GKN2: variants seen among roughly 807,000 people sequenced by gnomAD.
The protein encoded by GKN2 is gastrokine 2.
In GKN2, 17 loss-of-function variants were observed where a neutral mutation model predicts 22.7. That is an observed-to-expected ratio of 0.75 (90% CI 0.51 to 1.13). GKN2 has a LOEUF of 1.13. GKN2 is among the 50% of genes most tolerant of loss of function. The probability of loss-of-function intolerance (pLI) is 0.00; values close to 1 mark genes in which losing one functional copy is unlikely to be tolerated. For synonymous variants in GKN2, 82 were observed against 79.6 expected, an observed-to-expected ratio of 1.03 and a Z score of -0.16; for missense variants, 248 against 221.4, an observed-to-expected ratio of 1.12 and a Z score of -0.76.
intron 2 of GKN2, 69 bp from the exon 3 acceptor site, chr2:68,950,332 A>C: frequency 1.4e-6 from 2 of 1,449,526 alleles, no homozygotes; most frequent in Non-Finnish European, 1.9e-6. Context: ...CTCTTCCAAC[A>C]AAATAAAGCA....
chr2:68,946,763 G>A (rs1275762807), intron 4 of GKN2, among the ~76,000 whole-genome samples: 2 of 152,112 alleles, frequency 1.3e-5, no homozygotes, highest in Non-Finnish European at 2.9e-5. Flanking sequence ...TGCACTGTTT[G>A]TATATGTTCA....
At chr2:68,952,109 A>G (rs1217875549) in intron 1 of GKN2, among the ~76,000 whole-genome samples, 1 of 152,336 alleles carries the variant, frequency 6.6e-6, no homozygotes, top group East Asian at 1.9e-4. Context: ...CCCACTGTCC[A>G]TGGGGCACTG....
chr2:68,952,431 G>C (rs1487536876), intron 1 of GKN2, among the ~76,000 whole-genome samples: 2 of 152,136 alleles, frequency 1.3e-5, no homozygotes, highest in Non-Finnish European at 2.9e-5. Flanking sequence ...GATATGCTTA[G>C]TCTAAGGCTT....
At chr2:68,947,530 T>TTTGAAAGA (rs1305949599) in intron 3 of GKN2, among the ~76,000 whole-genome samples, 1 of 152,212 alleles carries the variant, frequency 6.6e-6, no homozygotes, top group Non-Finnish European at 1.5e-5. Context: ...CAGTTTGAGG[T>TTTGAAAGA]TTGAAAGATT....
At chr2:68,946,768 T>C (rs1052871690) in intron 4 of GKN2, among the ~76,000 whole-genome samples, 1 of 152,166 alleles carries the variant, frequency 6.6e-6, no homozygotes, top group Non-Finnish European at 1.5e-5. Flanking sequence ...TGTTTGTATA[T>C]GTTCACTCAA....
Position 68,950,122 on chromosome 2 carries a change from T to C in GKN2, c.204+4A>G. The stretch of plus-strand genomic sequence containing the variant: ...ATGAATATGAAAATTCATTTGCTGC[T>C]TACATGTTTATAGTCAAAAATTGTG... On this transcript the variant is annotated splice_donor_region_variant and intron_variant, in intron 3 of 5. Transcript: ENST00000328895. 1.2e-6 allele frequency: 2 copies of C among 1,612,466 alleles called. No homozygotes were observed. The highest frequency in any genetic ancestry group is 1.7e-6 in the Non-Finnish European group (2 of 1,179,424).
chr2:68,950,879 C>T (rs1336019524), intron 1 of GKN2, 124 bp from the exon 2 acceptor site: 22 of 908,504 alleles, frequency 2.4e-5, no homozygotes, highest in Non-Finnish European at 3.8e-5. Flanking sequence ...CACTGAGTGG[C>T]CACAGATGGT....
chr2:68,945,995 A>T (rs1047854252), intron 5 of GKN2: 5 of 386,002 alleles, frequency 1.3e-5, no homozygotes, highest in Non-Finnish European at 2.3e-5. Flanking sequence ...GCTACTTGAA[A>T]TTCTTACATA....
chr2:68,945,422 C>T lies in GKN2; in HGVS notation c.501G>A (p.Lys167=), dbSNP rs368981064. Residue 167 remains lysine (K), a synonymous_variant, in exon 6 of 6, where the codon AAG becomes AAA. Coordinates refer to ENST00000328895, the MANE Select transcript of GKN2 (RefSeq NM_182536.3). ...THNVGAGGCA[K]AGLLGILGIS... Reference sequence around the variant, plus strand: ...TTCCCAAGATGCCCAGGAGCCCAGCCTTTGCACAGCCTCCAGCACCGACAT... The same window carrying T: ...TTCCCAAGATGCCCAGGAGCCCAGCTTTTGCACAGCCTCCAGCACCGACAT... 3.7e-6 allele frequency: 6 copies of T among 1,611,456 alleles called. No individual in the cohort carries two copies. In the African/African-American group the frequency reaches 8.0e-5, roughly 22 times the overall value.
chr2:68,947,949 G>C (rs78537759), intron 3 of GKN2, among the ~76,000 whole-genome samples: 4,726 of 152,026 alleles, frequency 0.031, 223 homozygotes, highest in African/African-American at 0.11. Flanking sequence ...ATATTTTTTA[G>C]AACTGTGCTG....
chr2:68,948,642 A>G (rs1297457665), intron 3 of GKN2, among the ~76,000 whole-genome samples: 2 of 152,194 alleles, frequency 1.3e-5, no homozygotes, highest in Non-Finnish European at 2.9e-5. Context: ...TGAAAGAGCA[A>G]TGGAGGGTGA....
intron 3 of GKN2, 130 bp from the exon 4 acceptor site, chr2:68,947,387 A>T (rs1228702354): frequency 1.6e-6 from 1 of 627,684 alleles, no homozygotes; most frequent in Non-Finnish European, 2.9e-6. Context: ...TTGCTCTCCA[A>T]TCTGCAATCA....
At chr2:68,952,057 CAG>C (rs1306784207) in intron 1 of GKN2, among the ~76,000 whole-genome samples, 1 of 152,182 alleles carries the variant, frequency 6.6e-6, no homozygotes, top group African/African-American at 2.4e-5. Context: ...GAATAAAGGA[CAG>C]AGACTAGGGG....
chr2:68,945,421 C>T lies in GKN2; in HGVS notation c.502G>A (p.Ala168Thr), dbSNP rs1442476281. ...ATTCCCAAGATGCCCAGGAGCCCAG[C>T]CTTTGCACAGCCTCCAGCACCGACA... ...HNVGAGGCAK[A>T]GLLGILGISI... is the part of the protein sequence containing the mutation. The change falls in exon 6 of 6, where the codon GCT (alanine) becomes ACT (threonine). Residue 168 changes from alanine (A) to threonine (T), a missense_variant. Transcript: ENST00000328895. 6.2e-7 allele frequency: 1 copy of T among 1,611,430 alleles called. No individual in the cohort carries two copies. Among genetic ancestry groups the T allele is most frequent in the Admixed American group, 1.7e-5 (1 of 59,998 alleles).
chr2:68,952,510 T>C (rs1669874122), intron 1 of GKN2, among the ~76,000 whole-genome samples: 1 of 152,196 alleles, frequency 6.6e-6, no homozygotes, highest in Non-Finnish European at 1.5e-5. Context: ...CTACAGCTTC[T>C]CTCTTAGATA....
Position 68,950,168 on chromosome 2 carries a change from A to G in GKN2, c.162T>C (p.His54=), listed in dbSNP as rs1669834122. The change falls in exon 3 of 6, where the codon CAT becomes CAC. Residue 54 remains histidine (H), a synonymous_variant. Transcript: ENST00000328895. ...NEKNTAIINI[H]AGSCSSTTIF... is the part of the protein sequence containing the mutation. ...TTGTGGTAGAAGAGCATGATCCTGCATGGATGTTAATGATGGCGGTATTTT... is the reference window on the plus strand; with the variant it reads ...TTGTGGTAGAAGAGCATGATCCTGCGTGGATGTTAATGATGGCGGTATTTT... The G allele has an allele frequency of 1.2e-6, 2 of 1,613,998 alleles. No homozygotes were observed. The highest frequency in any genetic ancestry group is 1.7e-6 in the Non-Finnish European group (2 of 1,179,914).
chr2:68,945,639 T>C, intron 5 of GKN2, 189 bp from the exon 6 acceptor site: 1 of 464,922 alleles, frequency 2.2e-6, no homozygotes, highest in Non-Finnish European at 3.9e-6. Context: ...TATGAATGAG[T>C]ACTTAAAATT....
In GKN2 at chr2:68,950,210, C is replaced by T; in HGVS notation, c.120G>A (p.Val40=). ...CGGTATTTTTTTCATTATCAATTGT[C>T]ACTGTCTCCTGAACATTGCCACCAT... is the stretch of plus-strand genomic sequence containing the variant. ...SNNGGNVQET[V]TIDNEKNTAI... The change falls in exon 3 of 6, where the codon GTG becomes GTA. Residue 40 remains valine (V), a synonymous_variant. Transcript: ENST00000328895. 1.9e-6 allele frequency: 3 copies of T among 1,613,710 alleles called. No individual in the cohort carries two copies. Among genetic ancestry groups the T allele is most frequent in the Non-Finnish European group, 2.5e-6 (3 of 1,179,730 alleles).
chr2:68,946,726 A>C (rs1043260757), intron 4 of GKN2, among the ~76,000 whole-genome samples: 2 of 152,100 alleles, frequency 1.3e-5, no homozygotes, highest in African/African-American at 2.4e-5. Context: ...GTGGAGGGAG[A>C]CTTAAACCTT....
Sources: gnomAD v4.1 joint callset for allele counts (sites outside exome capture counted in the v4.1 genomes callset) on GRCh38, gnomAD v4.1.1 for gene constraint, MANE v1.5 for transcripts, NCBI Gene and HGNC (gene_info 2026-07-23, HGNC 2026-07-21) for gene names.